ADTRP: variants seen among roughly 807,000 people sequenced by gnomAD.
ADTRP encodes the protein androgen-dependent TFPI-regulating protein.
ADTRP carries 20 observed loss-of-function variants against 27.0 expected under a neutral mutation model. The observed-to-expected ratio is 0.74, with a 90% CI of 0.52 to 1.08. ADTRP has a LOEUF of 1.08. Ranked by LOEUF, ADTRP falls within the 50% of genes least tolerant of loss-of-function variation. ADTRP has a pLI of 0.00. For missense variants in ADTRP, 251 were observed against 275.0 expected (o/e 0.91, Z 0.62); for synonymous variants, 101 against 105.2 (o/e 0.96, Z 0.25).
At chr6:11,769,810 A>G (rs1332597014) in intron 1 of ADTRP, among the ~76,000 whole-genome samples, 1 of 152,222 alleles carries the variant, frequency 6.6e-6, no homozygotes, top group Non-Finnish European at 1.5e-5. Flanking sequence ...ATGTAGAAAA[A>G]GATTATTTAA....
chr6:11,725,760 G>A (rs758334433), intron 4 of ADTRP, among the ~76,000 whole-genome samples: 2 of 152,148 alleles, frequency 1.3e-5, no homozygotes, highest in Middle Eastern at 3.4e-3. Flanking sequence ...TTAGCCAGGC[G>A]TGGTGGCAGG....
chr6:11,714,564 G>T, intron 5 of ADTRP, 52 bp from the exon 6 acceptor site: 1 of 1,587,244 alleles, frequency 6.3e-7, no homozygotes. Flanking sequence ...TTCCCTAATG[G>T]GTATTTTTGT....
At chr6:11,719,370 G>A (rs537352051) in intron 5 of ADTRP, among the ~76,000 whole-genome samples, 18 of 152,332 alleles carry the variant, frequency 1.2e-4, no homozygotes, top group African/African-American at 3.1e-4. Flanking sequence ...TTTGAGAAGC[G>A]TTGCTCTGTA....
At chr6:11,734,233 T>C (rs1762474310) in intron 4 of ADTRP, among the ~76,000 whole-genome samples, 1 of 152,258 alleles carries the variant, frequency 6.6e-6, no homozygotes, top group African/African-American at 2.4e-5. Flanking sequence ...TATTCCTTTG[T>C]ATTAAGCCAG....
At chr6:11,753,498 C>T (rs148634662) in intron 3 of ADTRP, among the ~76,000 whole-genome samples, 6 of 152,208 alleles carry the variant, frequency 3.9e-5, no homozygotes, top group South Asian at 2.1e-4. Flanking sequence ...TTCTGAAGTG[C>T]CTTTTTTTGC....
chr6:11,758,577 G>GA (rs1438668734), intron 3 of ADTRP, among the ~76,000 whole-genome samples: 4 of 120,372 alleles, frequency 3.3e-5, no homozygotes, highest in Non-Finnish European at 7.0e-5. Context: ...TTGTGGGGTG[G>GA]GGGGGGGGGA....
At position 11,763,916 on chromosome 6, in the gene ADTRP, C is replaced by T. The variant is rs184322770; in HGVS notation, c.390+2358G>A. ...ACACCTGAGGCCAATTTTGCTGATA[C>T]CAACATTTTTCCTAAGATGGATCTG... On this transcript the variant is annotated intron_variant, in intron 3 of 5. Coordinates refer to ENST00000414691, the MANE Select transcript of ADTRP (RefSeq NM_032744.4). 3.3e-5 allele frequency among the ~76,000 whole-genome samples: 5 copies of T among 152,318 alleles called. No homozygotes were observed. In the South Asian group the frequency reaches 6.2e-4, roughly 19 times the overall value.
intron 5 of ADTRP, among the ~76,000 whole-genome samples, chr6:11,719,386 G>C (rs778280448): frequency 1.3e-5 from 2 of 152,166 alleles, no homozygotes; most frequent in African/African-American, 2.4e-5. Context: ...CTGTAACAGC[G>C]GTTCCGGATC....
intron 3 of ADTRP, among the ~76,000 whole-genome samples, chr6:11,746,154 T>C (rs528709085): frequency 1.7e-4 from 26 of 152,282 alleles, no homozygotes; most frequent in African/African-American, 5.5e-4. Flanking sequence ...AGGCCATCTA[T>C]AGGCTATCAA....
chr6:11,743,711 C>T (rs534742677), intron 3 of ADTRP, among the ~76,000 whole-genome samples: 1 of 152,352 alleles, frequency 6.6e-6, no homozygotes, highest in South Asian at 2.1e-4. Context: ...TTAATCTATT[C>T]TGGCCACTTA....
intron 4 of ADTRP, among the ~76,000 whole-genome samples, chr6:11,730,051 G>A (rs1762337214): frequency 6.6e-6 from 1 of 152,056 alleles, no homozygotes; most frequent in South Asian, 2.1e-4. Context: ...TCTGATTTCT[G>A]TTACAGGCAT....
chr6:11,717,895 G>A (rs766307760), intron 5 of ADTRP, among the ~76,000 whole-genome samples: 1 of 152,262 alleles, frequency 6.6e-6, no homozygotes, highest in Non-Finnish European at 1.5e-5. Flanking sequence ...CTGCCCCAGT[G>A]GGACCATGCT....
chr6:11,734,517 GAAGA>G (rs1196365064), intron 4 of ADTRP, among the ~76,000 whole-genome samples: 1 of 152,208 alleles, frequency 6.6e-6, no homozygotes, highest in Non-Finnish European at 1.5e-5. Context: ...TAAGATGGGA[GAAGA>G]AAGATTTGGG....
chr6:11,778,606 C>T lies in ADTRP; in HGVS notation c.153+1G>A, dbSNP rs904532772. The T allele has an allele frequency of 1.9e-6, 3 of 1,613,986 alleles. No homozygotes were observed. The highest frequency in any genetic ancestry group is 2.5e-6 in the Non-Finnish European group (3 of 1,179,926). On this transcript the variant is annotated splice_donor_variant, in intron 1 of 5. Coordinates refer to ENST00000414691, the MANE Select transcript of ADTRP (RefSeq NM_032744.4). LOFTEE classifies it high-confidence loss of function. ...TTCCTGGTACGGACATATGGACTTACCAGATTAAGCAGCGTCATATATTTC... is the reference window on the plus strand; with the variant it reads ...TTCCTGGTACGGACATATGGACTTATCAGATTAAGCAGCGTCATATATTTC...
chr6:11,771,120 C>T (rs765338185), intron 1 of ADTRP, among the ~76,000 whole-genome samples: 2 of 152,174 alleles, frequency 1.3e-5, no homozygotes, highest in African/African-American at 4.8e-5. Flanking sequence ...GGGGAAAGAA[C>T]GCATTACTCA....
At chr6:11,775,962 C>G (rs1763944816) in intron 1 of ADTRP, among the ~76,000 whole-genome samples, 1 of 152,146 alleles carries the variant, frequency 6.6e-6, no homozygotes, top group Non-Finnish European at 1.5e-5. Flanking sequence ...AGTTGTGAGA[C>G]CTTTATGACT....
intron 3 of ADTRP, among the ~76,000 whole-genome samples, chr6:11,755,613 T>C (rs142132142): frequency 6.6e-5 from 10 of 152,330 alleles, no homozygotes; most frequent in Admixed American, 4.6e-4. Context: ...CTCATCCCAG[T>C]TTAGCTTCTG....
chr6:11,756,334 A>AAAT (rs58098801), intron 3 of ADTRP, among the ~76,000 whole-genome samples: 126 of 151,068 alleles, frequency 8.3e-4, no homozygotes, highest in Middle Eastern at 3.4e-3. Context: ...ACTGTGTCTC[A>AAAT]AATAATAATA....
intron 3 of ADTRP, among the ~76,000 whole-genome samples, chr6:11,737,282 C>T (rs1356104406): frequency 4.6e-5 from 7 of 152,136 alleles, no homozygotes; most frequent in East Asian, 1.9e-4. Context: ...TTCCTCAGCT[C>T]GTGGCTGCCT....
Sources: gnomAD v4.1 joint callset for allele counts (sites outside exome capture counted in the v4.1 genomes callset) on GRCh38, gnomAD v4.1.1 for gene constraint, MANE v1.5 for transcripts, NCBI Gene and HGNC (gene_info 2026-07-23, HGNC 2026-07-21) for gene names.